Variants in SRD5A2 observed in about 807,000 individuals in gnomAD.
The protein encoded by SRD5A2 is steroid 5 alpha-reductase 2, also known as 3-oxo-5-alpha-steroid 4-dehydrogenase 2.
Under a neutral mutation model 27.4 loss-of-function variants are expected in SRD5A2, and 30 were observed. The observed-to-expected ratio is 1.10, with a 90% CI of 0.82 to 1.49. SRD5A2 has a LOEUF of 1.49. Among genes scored for constraint, SRD5A2 ranks in the 40% most tolerant of loss-of-function variants. The pLI is 0.00. For missense variants in SRD5A2, 348 were observed against 323.4 expected (o/e 1.08, Z -0.58); for synonymous variants, 141 against 133.6 (o/e 1.06, Z -0.38).
the SRD5A2 span, among the ~76,000 whole-genome samples, chr2:31,647,137 C>T: frequency 6.6e-6 from 1 of 151,898 alleles, no homozygotes; most frequent in Non-Finnish European, 1.5e-5. Flanking sequence ...AGAGTAACAC[C>T]CTGTCTCAGA....
At chr2:31,565,069 C>T (rs1048375356) in intron 1 of SRD5A2, among the ~76,000 whole-genome samples, 1 of 151,546 alleles carries the variant, frequency 6.6e-6, no homozygotes, top group African/African-American at 2.4e-5. Context: ...AACATAAGGG[C>T]AAGAGAGAAG....
chr2:31,567,105 T>A (rs1035837103), intron 1 of SRD5A2, among the ~76,000 whole-genome samples: 2 of 152,280 alleles, frequency 1.3e-5, no homozygotes, highest in African/African-American at 4.8e-5. Flanking sequence ...TTACAATCAA[T>A]CCCCAATTGT....
At chr2:31,561,664 A>G (rs1666627439) in intron 1 of SRD5A2, among the ~76,000 whole-genome samples, 1 of 152,148 alleles carries the variant, frequency 6.6e-6, no homozygotes, top group Non-Finnish European at 1.5e-5. Context: ...ATTAAAATAG[A>G]TGTTCAATCC....
chr2:31,561,449 A>G (rs1298637917), intron 1 of SRD5A2, among the ~76,000 whole-genome samples: 1 of 152,170 alleles, frequency 6.6e-6, no homozygotes, highest in Non-Finnish European at 1.5e-5. Flanking sequence ...TGCAAATGTT[A>G]TCTGGTTTTA....
Position 31,525,450 on chromosome 2 carries a change from A to C in SRD5A2, c.*746T>G, listed in dbSNP as rs1665756666. On this transcript the variant is annotated 3_prime_UTR_variant, in exon 5 of 5. Coordinates refer to ENST00000622030, the MANE Select transcript of SRD5A2 (RefSeq NM_000348.4). The stretch of plus-strand genomic sequence containing the variant: ...GTTGTTCTCTACTCTCTCATAAGCC[A>C]CCCAGGTTCATGCCTTTTTGTTTGT... 1 of 226,384 alleles carries C rather than the reference A, an allele frequency of 4.4e-6. No individual in the cohort carries two copies. The highest frequency in any genetic ancestry group is 2.2e-5 in the African/African-American group (1 of 44,960). The allele number at this position is 226,384 out of a possible 1,614,324, so 14.0% of individuals were successfully genotyped here.
chr2:31,600,763 A>C, the SRD5A2 span, among the ~76,000 whole-genome samples: 1 of 152,000 alleles, frequency 6.6e-6, no homozygotes, highest in African/African-American at 2.4e-5. Flanking sequence ...TCAAAAAAAG[A>C]AATCTACAAG....
the SRD5A2 span, among the ~76,000 whole-genome samples, chr2:31,592,500 G>A: frequency 6.6e-6 from 1 of 152,210 alleles, no homozygotes; most frequent in Non-Finnish European, 1.5e-5. Flanking sequence ...ACAGCTGAGA[G>A]ACCTGAAGCT....
At chr2:31,569,677 C>CAAAAAAAAAAAAAAAAA (rs11421066) in intron 1 of SRD5A2, among the ~76,000 whole-genome samples, 1 of 138,576 alleles carries the variant, frequency 7.2e-6, no homozygotes. Flanking sequence ...AAACAAAAAA[C>CAAAAAAAAAAAAAAAAA]AAAAAAAAAA....
the SRD5A2 span, among the ~76,000 whole-genome samples, chr2:31,639,831 T>A: frequency 6.6e-6 from 1 of 152,074 alleles, no homozygotes; most frequent in Non-Finnish European, 1.5e-5. Context: ...GTAGCCTTAT[T>A]TTGGGTTGAA....
At chr2:31,655,718 T>C in the SRD5A2 span, among the ~76,000 whole-genome samples, 1 of 152,100 alleles carries the variant, frequency 6.6e-6, no homozygotes, top group African/African-American at 2.4e-5. Flanking sequence ...AATGCTGTTT[T>C]CTCCCTAAGG....
the SRD5A2 span, among the ~76,000 whole-genome samples, chr2:31,661,671 G>C: frequency 6.6e-6 from 1 of 152,136 alleles, no homozygotes; most frequent in African/African-American, 2.4e-5. Context: ...TATTTACCCT[G>C]TTCGGGATTC....
intron 1 of SRD5A2, among the ~76,000 whole-genome samples, chr2:31,568,926 A>G (rs1206892990): frequency 1.3e-5 from 2 of 152,202 alleles, no homozygotes; most frequent in Non-Finnish European, 2.9e-5. Flanking sequence ...CTCAGCCACA[A>G]CTTTGTTCCA....
the SRD5A2 span, among the ~76,000 whole-genome samples, chr2:31,601,559 C>A: frequency 6.6e-6 from 1 of 152,044 alleles, no homozygotes; most frequent in African/African-American, 2.4e-5. Flanking sequence ...CTCCCTAACC[C>A]ATTCTATGAG....
At position 31,580,885 on chromosome 2, in the gene SRD5A2, G is replaced by A. The variant is rs9332960; in HGVS notation, c.16C>T (p.Gln6Ter). The change falls in exon 1 of 5, where the codon CAG (glutamine) becomes TAG (stop). Residue 6 changes from glutamine to a stop codon, truncating the protein, a stop_gained. Coordinates refer to ENST00000622030, the MANE Select transcript of SRD5A2 (RefSeq NM_000348.4). LOFTEE classifies it high-confidence loss of function. MQVQC[Q>*]QSPVLAGSAT... is the part of the protein sequence containing the mutation. ...CTGCCTGCCAGCACTGGGCTCTGCTGGCACTGAACCTGCATCGCGCCGTGT... is the reference window on the plus strand; with the variant it reads ...CTGCCTGCCAGCACTGGGCTCTGCTAGCACTGAACCTGCATCGCGCCGTGT... The A allele has an allele frequency of 8.1e-6, 13 of 1,606,588 alleles. No individual in the cohort carries two copies. In the East Asian group the frequency reaches 2.2e-4, roughly 28 times the overall value.
the SRD5A2 span, among the ~76,000 whole-genome samples, chr2:31,597,190 T>A: frequency 6.6e-6 from 1 of 152,106 alleles, no homozygotes; most frequent in Non-Finnish European, 1.5e-5. Flanking sequence ...AGCCAACTGA[T>A]CTTTGACAAA....
chr2:31,601,812 C>A, the SRD5A2 span, among the ~76,000 whole-genome samples: 1 of 151,706 alleles, frequency 6.6e-6, no homozygotes, highest in African/African-American at 2.4e-5. Context: ...ACAAAAAACA[C>A]AATTATTTCA....
rs553918915 is a variant in SRD5A2, at chr2:31,534,348, A to T, written c.282-582T>A. 5.3e-5 allele frequency among the ~76,000 whole-genome samples: 8 copies of T among 152,292 alleles called. No individual in the cohort carries two copies. In the South Asian group the frequency reaches 1.5e-3, roughly 28 times the overall value. On this transcript the variant is annotated intron_variant, in intron 1 of 4. Coordinates refer to ENST00000622030, the MANE Select transcript of SRD5A2 (RefSeq NM_000348.4). Reference sequence around the variant, plus strand: ...GTTAAGTAAGCTTGGGATCTATAACATCAGACAAGACCTAATATTTACTCA... The same window carrying T: ...GTTAAGTAAGCTTGGGATCTATAACTTCAGACAAGACCTAATATTTACTCA...
At chr2:31,656,734 G>A in the SRD5A2 span, among the ~76,000 whole-genome samples, 2 of 152,128 alleles carry the variant, frequency 1.3e-5, no homozygotes, top group Admixed American at 1.3e-4. Context: ...TCAGCCTCGA[G>A]AACTTTGAGA....
the SRD5A2 span, among the ~76,000 whole-genome samples, chr2:31,603,901 G>T: frequency 1.3e-5 from 2 of 151,860 alleles, no homozygotes; most frequent in African/African-American, 4.8e-5. Context: ...CAGAGGGTGT[G>T]GGGTGGAAAG....
Sources: allele counts gnomAD v4.1 joint callset (sites outside exome capture counted in the v4.1 genomes callset), GRCh38; gene constraint gnomAD v4.1.1; transcripts MANE v1.5; gene names NCBI Gene and HGNC (gene_info 2026-07-23, HGNC 2026-07-21).